CACNA1C: variants seen among roughly 807,000 people sequenced by gnomAD.
CACNA1C encodes the protein voltage-dependent L-type calcium channel subunit alpha-1C.
In CACNA1C, 30 loss-of-function variants were observed where a neutral mutation model predicts 229.0. That is an observed-to-expected ratio of 0.13 (90% CI 0.10 to 0.18). The LOEUF (loss-of-function observed/expected upper bound fraction) is 0.18. Ranked by LOEUF, CACNA1C falls within the 10% of genes least tolerant of loss-of-function variation. The probability of loss-of-function intolerance (pLI) is 1.00; values close to 1 mark genes in which losing one functional copy is unlikely to be tolerated. For synonymous variants in CACNA1C, 1,114 were observed against 1,132.5 expected, an observed-to-expected ratio of 0.98 and a Z score of 0.33; for missense variants, 1,658 against 2,845.0, an observed-to-expected ratio of 0.58 and a Z score of 9.49.
At chr12:2,635,209 C>T (rs915589173) in intron 30 of CACNA1C, among the ~76,000 whole-genome samples, 1 of 152,176 alleles carries the variant, frequency 6.6e-6, no homozygotes, top group Non-Finnish European at 1.5e-5. Flanking sequence ...TCCCGAGCCT[C>T]AGACAGCACC....
chr12:2,347,676 G>A (rs926196273), intron 3 of CACNA1C, among the ~76,000 whole-genome samples: 1 of 152,220 alleles, frequency 6.6e-6, no homozygotes, highest in Non-Finnish European at 1.5e-5. Flanking sequence ...GGATTTGTGG[G>A]AGGGTTTGCC....
intron 3 of CACNA1C, among the ~76,000 whole-genome samples, chr12:2,148,530 C>T (rs905593750): frequency 2.0e-5 from 3 of 151,062 alleles, no homozygotes; most frequent in South Asian, 2.1e-4. Flanking sequence ...TATTATGTGC[C>T]AGGAACTTTG....
At chr12:2,593,115 C>G (rs2066261697) in intron 18 of CACNA1C, 98 bp from the exon 19 acceptor site, 1 of 1,357,414 alleles carries the variant, frequency 7.4e-7, no homozygotes, top group Non-Finnish European at 1.0e-6. Context: ...CCTACATTTT[C>G]AGAGCCATAA....
chr12:2,558,578 A>G (rs720721), intron 11 of CACNA1C, among the ~76,000 whole-genome samples: 99,985 of 152,076 alleles, frequency 0.66, 34,110 homozygotes, highest in Non-Finnish European at 0.74. Flanking sequence ...TCCCATCACA[A>G]CCTCTGTAAC....
intron 38 of CACNA1C, among the ~76,000 whole-genome samples, chr12:2,669,625 T>C (rs976910682): frequency 1.3e-4 from 20 of 152,218 alleles, no homozygotes; most frequent in Non-Finnish European, 1.9e-4. Flanking sequence ...GGTGGGTGTC[T>C]CAAATGCTCA....
rs1544514 is a variant in CACNA1C, at chr12:2,449,020, G to C, written c.522G>C (p.Ala174=). The part of the protein sequence containing the change: ...YLFLIIFTVE[A]FLKVIAYGLL... The stretch of plus-strand genomic sequence containing the variant: ...TTCTCATAATTTTTACGGTGGAAGC[G>C]TTTTTAAAAGTAATCGCCTATGGAC... The change falls in exon 4 of 47, where the codon GCG becomes GCC. Residue 174 remains alanine (A), a synonymous_variant. Coordinates refer to ENST00000399655, the MANE Select transcript of CACNA1C (RefSeq NM_000719.7). 7 of 1,606,206 alleles carry C rather than the reference G, an allele frequency of 4.4e-6. No individual in the cohort carries two copies. Among genetic ancestry groups the C allele is most frequent in the Non-Finnish European group, 6.0e-6 (7 of 1,174,218 alleles).
At chr12:2,449,424 C>T (rs912218878) in intron 4 of CACNA1C, among the ~76,000 whole-genome samples, 1 of 152,182 alleles carries the variant, frequency 6.6e-6, no homozygotes, top group African/African-American at 2.4e-5. Flanking sequence ...TTCCGTGGTT[C>T]CACCCTAGTG....
chr12:2,629,823 G>A (rs988530922), intron 29 of CACNA1C, among the ~76,000 whole-genome samples: 4 of 152,216 alleles, frequency 2.6e-5, no homozygotes, highest in African/African-American at 9.6e-5. Flanking sequence ...TTCCTTCCCA[G>A]CAATGATTTT....
At chr12:2,024,215 A>T (rs1031084345) in intron 1 of CACNA1C, among the ~76,000 whole-genome samples, 7 of 152,198 alleles carry the variant, frequency 4.6e-5, no homozygotes, top group Non-Finnish European at 1.0e-4. Flanking sequence ...GAGGCTCATT[A>T]TGAGAAAATT....
At chr12:1,973,865 G>C (rs2033379455) in intron 1 of CACNA1C, among the ~76,000 whole-genome samples, 1 of 151,834 alleles carries the variant, frequency 6.6e-6, no homozygotes, top group Admixed American at 6.6e-5. Flanking sequence ...AAATCTCCTT[G>C]GCCACAAATA....
At chr12:2,416,477 T>A (rs2098904899) in intron 3 of CACNA1C, among the ~76,000 whole-genome samples, 1 of 152,124 alleles carries the variant, frequency 6.6e-6, no homozygotes, top group Non-Finnish European at 1.5e-5. Flanking sequence ...TTTAACCCAA[T>A]AGGGTAGCTG....
chr12:2,535,096 T>A (rs2099849953), intron 9 of CACNA1C, among the ~76,000 whole-genome samples: 1 of 152,144 alleles, frequency 6.6e-6, no homozygotes, highest in Admixed American at 6.5e-5. Flanking sequence ...TGTGGGCAAT[T>A]AAAGCAGCTA....
rs773917645 is a variant in CACNA1C at position 2,634,329 on chromosome 12, C to T, written c.3861C>T (p.Asp1287=). The T allele has an allele frequency of 1.1e-5, 18 of 1,581,236 alleles. No homozygotes were observed. Among genetic ancestry groups the T allele is most frequent in the East Asian group, 4.5e-5 (2 of 44,012 alleles). Residue 1287 remains aspartate, a synonymous_variant, in exon 30 of 47, where the codon GAC becomes GAT. Coordinates refer to ENST00000399655, the MANE Select transcript of CACNA1C (RefSeq NM_000719.7). The part of the protein sequence containing the change: ...HYFCDAWNTF[D]ALIVVGSIVD... The stretch of plus-strand genomic sequence containing the variant: ...TCTGTGATGCATGGAATACATTTGA[C>T]GCCTTGATTGTTGTGGGTAGCATTG...
chr12:2,036,900 A>T lies in CACNA1C; in HGVS notation c.139+65699A>T, dbSNP rs1346273241. Among the ~76,000 whole-genome samples, 3 of 152,232 alleles carry T rather than the reference A, an allele frequency of 2.0e-5. No individual in the cohort carries two copies. In the East Asian group the frequency reaches 5.8e-4, roughly 29 times the overall value. Reference sequence around the variant, plus strand: ...TAGTCTTGACACTGGAGGGGTTAGCACAGGAGGATTCGGGGTACCCTGGGA... The same window carrying T: ...TAGTCTTGACACTGGAGGGGTTAGCTCAGGAGGATTCGGGGTACCCTGGGA... On this transcript the variant is annotated intron_variant, in intron 1 of 46. Transcript: ENST00000682462.
At position 2,361,925 on chromosome 12, in the gene CACNA1C, C is replaced by T. The variant is rs188500036; in HGVS notation, c.478-87051C>T. ...GATTTTGGAGACAGATGGAGTGTGA[C>T]GTCGAGCTCTGCCTGAGACCGACTG... On this transcript the variant is annotated intron_variant, in intron 3 of 46. Coordinates refer to ENST00000399655, the MANE Select transcript of CACNA1C (RefSeq NM_000719.7). 5.3e-5 allele frequency among the ~76,000 whole-genome samples: 8 copies of T among 152,302 alleles called. No homozygotes were observed. The East Asian group carries it at 9.7e-4, about 18-fold the overall frequency.
intron 4 of CACNA1C, among the ~76,000 whole-genome samples, chr12:2,450,688 C>T (rs1370251914): frequency 6.6e-6 from 1 of 151,112 alleles, no homozygotes; most frequent in African/African-American, 2.4e-5. Context: ...TCCCTTGTTA[C>T]TCTGAGCCCA....
chr12:2,691,916 G>A lies in CACNA1C; in HGVS notation c.*717G>A, dbSNP rs2097793688. On this transcript the variant is annotated 3_prime_UTR_variant, in exon 47 of 47. Coordinates refer to ENST00000399655, the MANE Select transcript of CACNA1C (RefSeq NM_000719.7). ...TGAGCGCTCTTTTGTTTTGTGGTTT[G>A]ACACTTTTCTTGACAGCATGTTGCA... The A allele has an allele frequency of 1.3e-5, 2 of 152,232 alleles. No individual in the cohort carries two copies. Among genetic ancestry groups the A allele is most frequent in the Non-Finnish European group, 2.9e-5 (2 of 68,034 alleles). The allele number at this position is 152,232 out of a possible 1,614,324, so 9.4% of individuals were successfully genotyped here.
rs1205196625 is a variant in CACNA1C at position 2,605,024 on chromosome 12, T to A, written c.2961-57T>A. On this transcript the variant is annotated intron_variant, in intron 22 of 46. Transcript: ENST00000399655. This position sits in a 1 kb window ranked among gnomAD's most constrained non-coding sequence, Gnocchi z 6.2. ...TCAGGACATTCCCTTACCACATTAT[T>A]TTTGCTCCCCCCAGAAACAGGAGGA... 1 of 1,288,242 alleles carries A rather than the reference T, an allele frequency of 7.8e-7. No individual in the cohort carries two copies. The highest frequency in any genetic ancestry group is 1.1e-6 in the Non-Finnish European group (1 of 883,740). 79.8% of individuals were successfully genotyped at this position (1,288,242 alleles called of 1,614,324 possible). A position where few individuals can be genotyped will look rare whatever the true frequency, so the allele number is the denominator to read the frequency against.
intron 3 of CACNA1C, among the ~76,000 whole-genome samples, chr12:2,294,753 G>A (rs567887254): frequency 2.0e-4 from 30 of 152,246 alleles, no homozygotes; most frequent in Middle Eastern, 3.4e-3. Flanking sequence ...TCTGGCAGCC[G>A]CTGGGACTGC....
Sources: allele counts gnomAD v4.1 joint callset (sites outside exome capture counted in the v4.1 genomes callset), GRCh38; gene constraint gnomAD v4.1.1; non-coding constraint Gnocchi (gnomAD v3.1); transcripts MANE v1.5; gene names NCBI Gene and HGNC (gene_info 2026-07-23, HGNC 2026-07-21).